PCDHA1: variants seen among roughly 807,000 people sequenced by gnomAD.
PCDHA1 encodes protocadherin alpha 1, also known as protocadherin alpha-1.
In PCDHA1, 42 loss-of-function variants were observed where a neutral mutation model predicts 61.3. The observed-to-expected ratio is 0.69, with a 90% CI of 0.54 to 0.89. PCDHA1 has a LOEUF of 0.89. Among genes scored for constraint, PCDHA1 ranks in the 40% least tolerant of loss-of-function variants. The pLI, the probability that PCDHA1 is intolerant of heterozygous loss-of-function variation, is 0.00. For synonymous variants in PCDHA1, 610 were observed against 553.8 expected (o/e 1.10, Z -1.43); for missense variants, 1,256 against 1,235.3 (o/e 1.02, Z -0.25).
At chr5:141,004,348 C>A (rs1554259549) in intron 3 of PCDHA1, among the ~76,000 whole-genome samples, 1 of 152,216 alleles carries the variant, frequency 6.6e-6, no homozygotes, top group Non-Finnish European at 1.5e-5. Context: ...CTGTGAGGGA[C>A]TGGAGAGACC....
intron 1 of PCDHA1, chr5:140,841,947 A>G (rs2150326341): frequency 2.5e-6 from 4 of 1,613,886 alleles, no homozygotes; most frequent in Admixed American, 3.3e-5. Context: ...CCTGCGCACC[A>G]CTTATTCCTG....
chr5:140,846,662 C>T (rs1432643627), intron 1 of PCDHA1, among the ~76,000 whole-genome samples: 1 of 149,210 alleles, frequency 6.7e-6, no homozygotes, highest in Non-Finnish European at 1.5e-5. Flanking sequence ...GCATGAGCCA[C>T]CGCGCCCAGC....
At chr5:140,822,263 C>G (rs1470346995) in intron 1 of PCDHA1, 3 of 1,614,110 alleles carry the variant, frequency 1.9e-6, no homozygotes, top group Non-Finnish European at 2.5e-6. Flanking sequence ...GATATTGGAG[C>G]AAATGCACAA....
intron 1 of PCDHA1, among the ~76,000 whole-genome samples, chr5:140,956,900 A>C (rs1004581720): frequency 6.6e-6 from 1 of 152,240 alleles, no homozygotes; most frequent in East Asian, 1.9e-4. Context: ...GAATATTCTT[A>C]AATGTATAAA....
chr5:140,824,178 T>C, intron 1 of PCDHA1: 1 of 1,608,694 alleles, frequency 6.2e-7, no homozygotes, highest in Non-Finnish European at 8.5e-7. Context: ...TTTCAAATAT[T>C]AAATGTCACA....
At chr5:140,857,192 G>A in intron 1 of PCDHA1, 2 of 1,598,474 alleles carry the variant, frequency 1.3e-6, no homozygotes, top group Non-Finnish European at 1.7e-6. Context: ...AGGAGCCAAC[G>A]GACAGGTCAC....
chr5:140,806,657 T>C (rs1398130058), intron 1 of PCDHA1, among the ~76,000 whole-genome samples: 1 of 151,884 alleles, frequency 6.6e-6, no homozygotes, highest in Non-Finnish European at 1.5e-5. Context: ...GTGTTATCAT[T>C]AATAAAAAAA....
At chr5:140,824,650 G>A (rs1768319030) in intron 1 of PCDHA1, 1 of 120,748 alleles carries the variant, frequency 8.3e-6, no homozygotes. Flanking sequence ...GTAGAGATAG[G>A]GGTCTTGCTA....
intron 1 of PCDHA1, chr5:140,803,122 C>T (rs1554122584): frequency 6.2e-7 from 1 of 1,613,804 alleles, no homozygotes; most frequent in South Asian, 1.1e-5. Flanking sequence ...GAGGTGGACG[C>T]CCCGCGCCAT....
Position 140,876,841 on chromosome 5 carries a change from C to T in PCDHA1, c.2394+88157C>T, listed in dbSNP as rs782712356. ...GAACGACAATGCGCCTGCGTTCGCGCAGCCCGAGTACACAGTGTTCGTGAA... is the reference window on the plus strand; with the variant it reads ...GAACGACAATGCGCCTGCGTTCGCGTAGCCCGAGTACACAGTGTTCGTGAA... On this transcript the variant is annotated intron_variant, in intron 1 of 3. Transcript: ENST00000504120. 4.3e-6 allele frequency: 7 copies of T among 1,614,130 alleles called. No homozygotes were observed. In the South Asian group the frequency reaches 7.7e-5, roughly 18 times the overall value.
At chr5:140,925,689 G>C (rs1341368297) in intron 1 of PCDHA1, among the ~76,000 whole-genome samples, 1 of 147,806 alleles carries the variant, frequency 6.8e-6, no homozygotes, top group Non-Finnish European at 1.5e-5. Flanking sequence ...AGCGAGGGTG[G>C]GTATCTAGCC....
At chr5:140,878,389 T>A (rs528504145) in intron 1 of PCDHA1, among the ~76,000 whole-genome samples, 1 of 152,360 alleles carries the variant, frequency 6.6e-6, no homozygotes, top group East Asian at 1.9e-4. Flanking sequence ...ATTTTCTTCA[T>A]TGCTCACAAA....
chr5:140,958,872 G>T (rs993434831), intron 1 of PCDHA1, among the ~76,000 whole-genome samples: 1 of 151,970 alleles, frequency 6.6e-6, no homozygotes, highest in Non-Finnish European at 1.5e-5. Context: ...GTTTATAAAA[G>T]AATTGACCAG....
chr5:140,951,252 A>G (rs568359458), intron 1 of PCDHA1, among the ~76,000 whole-genome samples: 1 of 151,856 alleles, frequency 6.6e-6, no homozygotes, highest in African/African-American at 2.4e-5. Context: ...AATGCATCAC[A>G]TTTTTCTGGT....
chr5:140,856,314 T>C (rs2043919733), intron 1 of PCDHA1: 1 of 1,598,440 alleles, frequency 6.3e-7, no homozygotes, highest in African/African-American at 1.3e-5. Context: ...AATTCTCGGA[T>C]TGACCGCGAG....
chr5:140,795,912 C>A (rs138543529), intron 1 of PCDHA1: 7 of 1,613,790 alleles, frequency 4.3e-6, no homozygotes, highest in Non-Finnish European at 5.9e-6. Flanking sequence ...CAAAGTCCTA[C>A]GAGATTCAGG....
chr5:140,997,409 A>G (rs1378198322), intron 3 of PCDHA1, among the ~76,000 whole-genome samples: 2 of 152,180 alleles, frequency 1.3e-5, no homozygotes, highest in Non-Finnish European at 1.5e-5. Flanking sequence ...CGTATGGCCT[A>G]TTTCTCCTAG....
intron 1 of PCDHA1, chr5:140,815,957 G>T (rs181036554): frequency 6.6e-6 from 1 of 152,242 alleles, no homozygotes; most frequent in African/African-American, 2.4e-5. Context: ...GTAGAGTTAG[G>T]GGTGTTCTTT....
At chr5:140,968,757 A>T in intron 1 of PCDHA1, 1 of 1,614,204 alleles carries the variant, frequency 6.2e-7, no homozygotes, top group Non-Finnish European at 8.5e-7. Context: ...GTGGTCCGAG[A>T]TAATGGAGAG....
Sources: allele counts gnomAD v4.1 joint callset (sites outside exome capture counted in the v4.1 genomes callset), GRCh38; gene constraint gnomAD v4.1.1; transcripts MANE v1.5; gene names NCBI Gene and HGNC (gene_info 2026-07-23, HGNC 2026-07-21).